The following MDGA2 variants were observed in gnomAD, a reference collection of about 807,000 sequenced individuals.
MDGA2 encodes MAM domain containing glycosylphosphatidylinositol anchor 2, also known as MAM domain-containing glycosylphosphatidylinositol anchor protein 2.
Under a neutral mutation model 117.8 loss-of-function variants are expected in MDGA2, and 40 were observed. The ratio of observed to expected loss-of-function variants is 0.34; its 90% CI spans 0.26 to 0.44. The LOEUF (loss-of-function observed/expected upper bound fraction) is 0.44. MDGA2 is among the 20% of genes least tolerant of loss of function. The pLI is 1.00. For synonymous variants in MDGA2, 452 were observed against 439.0 expected (o/e 1.03, Z -0.37); for missense variants, 1,123 against 1,250.6 (o/e 0.90, Z 1.54).
At chr14:46,991,143 CT>C (rs1321237197) in intron 8 of MDGA2, among the ~76,000 whole-genome samples, 1 of 152,028 alleles carries the variant, frequency 6.6e-6, no homozygotes, top group Non-Finnish European at 1.5e-5. Flanking sequence ...ACTTCCTTTT[CT>C]GTCCTTTCAT....
chr14:47,284,270 T>C (rs1286403560), intron 2 of MDGA2, among the ~76,000 whole-genome samples: 1 of 152,162 alleles, frequency 6.6e-6, no homozygotes, highest in African/African-American at 2.4e-5. Context: ...TGAAGCCAAA[T>C]TGTTAACACA....
chr14:46,982,013 A>G (rs1886689809), intron 8 of MDGA2, among the ~76,000 whole-genome samples: 2 of 152,238 alleles, frequency 1.3e-5, no homozygotes, highest in South Asian at 2.1e-4. Flanking sequence ...TGTGATATGC[A>G]TATAATCGGA....
chr14:47,067,013 G>C (rs1459799016), intron 6 of MDGA2, among the ~76,000 whole-genome samples: 1 of 152,144 alleles, frequency 6.6e-6, no homozygotes, highest in Non-Finnish European at 1.5e-5. Flanking sequence ...TACTTGGGAG[G>C]CTTAGGCAGG....
At chr14:47,201,233 G>C (rs1346547684) in intron 3 of MDGA2, 6 of 495,890 alleles carry the variant, frequency 1.2e-5, no homozygotes, top group Non-Finnish European at 2.2e-5. Context: ...CATGATTCCT[G>C]CTACCAAATG....
chr14:47,376,050 C>T (rs1347591858), intron 1 of MDGA2, among the ~76,000 whole-genome samples: 2 of 152,140 alleles, frequency 1.3e-5, no homozygotes, highest in African/African-American at 2.4e-5. Flanking sequence ...TTAACTCCCA[C>T]TGTATTTACT....
At chr14:47,249,189 T>C (rs1887360633) in intron 2 of MDGA2, among the ~76,000 whole-genome samples, 1 of 151,926 alleles carries the variant, frequency 6.6e-6, no homozygotes, top group Admixed American at 6.6e-5. Flanking sequence ...AGCTAATTTT[T>C]GTATTTTTTA....
At chr14:46,869,498 G>T (rs1465146539) in intron 14 of MDGA2, among the ~76,000 whole-genome samples, 3 of 151,598 alleles carry the variant, frequency 2.0e-5, no homozygotes, top group Non-Finnish European at 4.4e-5. Context: ...AAATCAGCAG[G>T]TACTTTAAGG....
intron 5 of MDGA2, among the ~76,000 whole-genome samples, chr14:47,122,196 C>A (rs140490540): frequency 3.9e-4 from 59 of 152,104 alleles, no homozygotes; most frequent in African/African-American, 1.4e-3. Context: ...CATGATTTAG[C>A]AGAAAGCAAA....
intron 5 of MDGA2, among the ~76,000 whole-genome samples, chr14:47,116,784 T>C: frequency 6.6e-6 from 1 of 151,920 alleles, no homozygotes; most frequent in Non-Finnish European, 1.5e-5. Flanking sequence ...GGCTTAAATA[T>C]AAGACACAAA....
intron 2 of MDGA2, among the ~76,000 whole-genome samples, chr14:47,259,444 T>C (rs967147347): frequency 1.3e-5 from 2 of 152,138 alleles, no homozygotes; most frequent in African/African-American, 4.8e-5. Flanking sequence ...GTTTGAGAAA[T>C]GCTACTTTTG....
chr14:47,400,877 C>T (rs1892129250), intron 1 of MDGA2, among the ~76,000 whole-genome samples: 2 of 140,238 alleles, frequency 1.4e-5, no homozygotes, highest in South Asian at 2.7e-4. Flanking sequence ...CCTGCCTCAG[C>T]CTCCCAAGTA....
chr14:47,467,741 A>G (rs1893633581), intron 1 of MDGA2, among the ~76,000 whole-genome samples: 1 of 152,148 alleles, frequency 6.6e-6, no homozygotes, highest in African/African-American at 2.4e-5. Context: ...TGATGATTCA[A>G]TAAGTATGTG....
At chr14:47,078,145 A>C (rs1359112970) in intron 6 of MDGA2, among the ~76,000 whole-genome samples, 1 of 152,116 alleles carries the variant, frequency 6.6e-6, no homozygotes, top group Non-Finnish European at 1.5e-5. Flanking sequence ...TCAGACCACA[A>C]TGTCTGAATT....
intron 1 of MDGA2, among the ~76,000 whole-genome samples, chr14:47,341,643 T>C (rs1351332366): frequency 1.3e-5 from 2 of 152,230 alleles, no homozygotes; most frequent in Non-Finnish European, 2.9e-5. Flanking sequence ...TTAAAAATGA[T>C]CTCTGTAAGT....
chr14:47,633,424 T>C (rs1055800144), intron 1 of MDGA2, among the ~76,000 whole-genome samples: 1 of 152,332 alleles, frequency 6.6e-6, no homozygotes, highest in South Asian at 2.1e-4. Flanking sequence ...AATCATAGTA[T>C]TTGTGCATGT....
Position 46,919,498 on chromosome 14 carries a change from A to C in MDGA2, c.2238+514T>G, listed in dbSNP as rs553315960. Among the ~76,000 whole-genome samples, 3 of 152,328 alleles carry C rather than the reference A, an allele frequency of 2.0e-5. No individual in the cohort carries two copies. The South Asian group carries it at 6.2e-4, about 32-fold the overall frequency. On this transcript the variant is annotated intron_variant, in intron 10 of 16. Coordinates refer to ENST00000399232, the MANE Select transcript of MDGA2 (RefSeq NM_001113498.3). ...TAACCCTTGATCTTCAGCTCCCTTA[A>C]GAAACTATCATACTTTAATTTCTTT...
intron 7 of MDGA2, among the ~76,000 whole-genome samples, chr14:47,053,212 C>CT (rs1281014617): frequency 6.6e-6 from 1 of 151,940 alleles, no homozygotes; most frequent in Non-Finnish European, 1.5e-5. Flanking sequence ...ACAGTTTCTT[C>CT]TTTTTTTATC....
chr14:47,656,911 C>T (rs894348191), intron 1 of MDGA2, among the ~76,000 whole-genome samples: 4 of 152,102 alleles, frequency 2.6e-5, no homozygotes, highest in Non-Finnish European at 5.9e-5. Context: ...AACTATAGAG[C>T]GTCACGGAAT....
intron 1 of MDGA2, among the ~76,000 whole-genome samples, chr14:47,574,500 CT>C (rs1291782091): frequency 6.6e-6 from 1 of 152,094 alleles, no homozygotes; most frequent in Non-Finnish European, 1.5e-5. Context: ...TTCAAATATT[CT>C]TTTTGCTTTC....
Sources: allele counts gnomAD v4.1 joint callset (sites outside exome capture counted in the v4.1 genomes callset), GRCh38; gene constraint gnomAD v4.1.1; transcripts MANE v1.5; gene names NCBI Gene and HGNC (gene_info 2026-07-23, HGNC 2026-07-21).